The following MAML2 variants were observed in gnomAD, a reference collection of about 807,000 sequenced individuals.
MAML2 encodes mastermind like transcriptional coactivator 2.
MAML2 carries 22 observed loss-of-function variants against 96.1 expected under a neutral mutation model. The ratio of observed to expected loss-of-function variants is 0.23; its 90% CI spans 0.16 to 0.33. The LOEUF (loss-of-function observed/expected upper bound fraction) is 0.33. Among genes scored for constraint, MAML2 ranks in the 10% least tolerant of loss-of-function variants. MAML2 has a pLI of 1.00. For missense variants in MAML2, 1,367 were observed against 1,392.4 expected (o/e 0.98, Z 0.29); for synonymous variants, 561 against 521.3 (o/e 1.08, Z -1.04).
intron 1 of MAML2, among the ~76,000 whole-genome samples, chr11:96,231,692 G>A (rs761395378): frequency 6.6e-6 from 1 of 152,216 alleles, no homozygotes; most frequent in Non-Finnish European, 1.5e-5. Context: ...GGAACAATGA[G>A]AGAGCTGCAG....
At chr11:96,168,004 G>A (rs1337491943) in intron 1 of MAML2, among the ~76,000 whole-genome samples, 1 of 152,146 alleles carries the variant, frequency 6.6e-6, no homozygotes, top group African/African-American at 2.4e-5. Context: ...GGGCTGGGAG[G>A]GTTGCTGCAA....
intron 2 of MAML2, among the ~76,000 whole-genome samples, chr11:96,020,972 G>A (rs1858426403): frequency 6.6e-6 from 1 of 152,188 alleles, no homozygotes; most frequent in Middle Eastern, 3.2e-3. Context: ...ATGGATAGAA[G>A]GAAATAGGGG....
intron 1 of MAML2, among the ~76,000 whole-genome samples, chr11:96,188,621 A>T (rs1050848088): frequency 6.6e-6 from 1 of 151,692 alleles, no homozygotes; most frequent in African/African-American, 2.4e-5. Context: ...AATGAACTTT[A>T]TGTCCTTTTT....
At chr11:96,146,332 C>T (rs983883775) in intron 1 of MAML2, among the ~76,000 whole-genome samples, 1 of 152,140 alleles carries the variant, frequency 6.6e-6, no homozygotes, top group Non-Finnish European at 1.5e-5. Context: ...AATGAGAAAC[C>T]ATGCTCAGGG....
chr11:96,194,921 A>C (rs903002457), intron 1 of MAML2, among the ~76,000 whole-genome samples: 7 of 152,108 alleles, frequency 4.6e-5, no homozygotes, highest in African/African-American at 1.7e-4. Context: ...AAAGGCTTAA[A>C]AATTCTTAAT....
intron 1 of MAML2, among the ~76,000 whole-genome samples, chr11:96,099,072 C>A (rs902819300): frequency 2.0e-5 from 3 of 151,938 alleles, no homozygotes; most frequent in East Asian, 1.9e-4. Flanking sequence ...TTTTTTCACC[C>A]CAGGTAGACT....
chr11:96,018,752 A>G (rs1274175749), intron 2 of MAML2, among the ~76,000 whole-genome samples: 2 of 152,112 alleles, frequency 1.3e-5, no homozygotes, highest in Non-Finnish European at 2.9e-5. Flanking sequence ...ACCTGCCACC[A>G]TGACTGGCTA....
intron 1 of MAML2, among the ~76,000 whole-genome samples, chr11:96,339,243 A>G (rs755122161): frequency 6.6e-6 from 1 of 152,244 alleles, no homozygotes; most frequent in Non-Finnish European, 1.5e-5. Flanking sequence ...GGCCAGAGGT[A>G]GCACAGCAGC....
intron 1 of MAML2, among the ~76,000 whole-genome samples, chr11:96,271,664 C>T (rs1054762253): frequency 1.3e-5 from 2 of 152,166 alleles, no homozygotes; most frequent in Non-Finnish European, 2.9e-5. Flanking sequence ...CTTCCCCTCC[C>T]ACCATGATTG....
intron 1 of MAML2, among the ~76,000 whole-genome samples, chr11:96,252,056 C>G (rs117778444): frequency 2.0e-5 from 3 of 152,086 alleles, no homozygotes; most frequent in Non-Finnish European, 2.9e-5. Context: ...CAACACCAGA[C>G]GGAGTAGCAA....
chr11:96,243,430 C>G (rs1862464995), intron 1 of MAML2, among the ~76,000 whole-genome samples: 1 of 152,186 alleles, frequency 6.6e-6, no homozygotes, highest in Non-Finnish European at 1.5e-5. Context: ...GGAAAGCTAG[C>G]AGGAGGCGTT....
chr11:96,275,802 C>A (rs1413256127), intron 1 of MAML2, among the ~76,000 whole-genome samples: 1 of 152,158 alleles, frequency 6.6e-6, no homozygotes, highest in Admixed American at 6.5e-5. Context: ...TTCAGCTGGT[C>A]TCTATGTCTG....
chr11:96,000,315 C>T (rs1026613880), intron 2 of MAML2, among the ~76,000 whole-genome samples: 1 of 152,172 alleles, frequency 6.6e-6, no homozygotes, highest in Non-Finnish European at 1.5e-5. Flanking sequence ...CGGCCTAATC[C>T]AGCCTGCCAC....
At position 96,151,883 on chromosome 11, in the gene MAML2, T is replaced by C. The variant is rs753010027; in HGVS notation, c.514-58366A>G. The stretch of plus-strand genomic sequence containing the variant: ...CTAATACAGCCCTTAGGATTTTAGT[T>C]CATAGGTGATCAATACATATTTTTA... On this transcript the variant is annotated intron_variant, in intron 1 of 4. Coordinates refer to ENST00000524717, the MANE Select transcript of MAML2 (RefSeq NM_032427.4). Among the ~76,000 whole-genome samples the C allele has an allele frequency of 3.5e-4, 54 of 152,210 alleles. 1 individual carries two copies. The highest frequency in any genetic ancestry group is 3.5e-4 in the Non-Finnish European group (24 of 68,042).
At position 96,330,888 on chromosome 11, in the gene MAML2, A is replaced by G. The variant is rs116740526; in HGVS notation, c.513+10495T>C. ...GAGGCCAATCGAGATTCAAGGGGGAAAAAAGCATCCATTTTTTGATGCCAG... is the reference window on the plus strand; with the variant it reads ...GAGGCCAATCGAGATTCAAGGGGGAGAAAAGCATCCATTTTTTGATGCCAG... On this transcript the variant is annotated intron_variant, in intron 1 of 4. Transcript: ENST00000524717. Among the ~76,000 whole-genome samples the G allele has an allele frequency of 2.0e-3, 301 of 152,306 alleles. 1 individual carries two copies. The highest frequency in any genetic ancestry group is 7.1e-3 in the African/African-American group (293 of 41,554).
intron 2 of MAML2, among the ~76,000 whole-genome samples, chr11:96,091,167 T>G (rs1859698882): frequency 6.6e-6 from 1 of 152,206 alleles, no homozygotes; most frequent in South Asian, 2.1e-4. Context: ...GAGATTTTTT[T>G]TATCTGTAGT....
chr11:96,297,272 T>C (rs1393535789), intron 1 of MAML2, among the ~76,000 whole-genome samples: 1 of 152,164 alleles, frequency 6.6e-6, no homozygotes, highest in Non-Finnish European at 1.5e-5. Context: ...TTTGAGACTT[T>C]AATTAAAACA....
At chr11:96,193,238 G>T (rs1861681307) in intron 1 of MAML2, among the ~76,000 whole-genome samples, 1 of 152,138 alleles carries the variant, frequency 6.6e-6, no homozygotes, top group Admixed American at 6.5e-5. Context: ...ATAGTGGTGG[G>T]TGCCCCTGTA....
intron 2 of MAML2, among the ~76,000 whole-genome samples, chr11:96,021,806 C>A (rs1858440217): frequency 1.3e-5 from 2 of 152,200 alleles, no homozygotes; most frequent in South Asian, 4.1e-4. Flanking sequence ...CTTCACCCAT[C>A]CTGATTAACA....
Sources: gnomAD v4.1 joint callset for allele counts (sites outside exome capture counted in the v4.1 genomes callset) on GRCh38, gnomAD v4.1.1 for gene constraint, MANE v1.5 for transcripts, NCBI Gene and HGNC (gene_info 2026-07-23, HGNC 2026-07-21) for gene names.